Variants in ST6GALNAC3 observed in about 807,000 individuals in gnomAD.
ST6GALNAC3 encodes the protein alpha-N-acetylgalactosaminide alpha-2,6-sialyltransferase 3.
ST6GALNAC3 carries 25 observed loss-of-function variants against 32.7 expected under a neutral mutation model. The observed-to-expected ratio is 0.76, with a 90% confidence interval of 0.56 to 1.07. The LOEUF (loss-of-function observed/expected upper bound fraction) is 1.07. ST6GALNAC3 is among the 50% of genes least tolerant of loss of function. ST6GALNAC3 has a pLI of 0.00. For missense variants in ST6GALNAC3, 355 were observed against 382.4 expected (o/e 0.93, Z 0.60); for synonymous variants, 129 against 133.1 (o/e 0.97, Z 0.21).
chr1:76,470,942 C>G (rs1258502299), intron 3 of ST6GALNAC3, among the ~76,000 whole-genome samples: 4 of 152,064 alleles, frequency 2.6e-5, no homozygotes, highest in African/African-American at 9.7e-5. Context: ...ATTGTTGATA[C>G]AAAGACAAAC....
chr1:76,185,337 A>T (rs757658035), intron 1 of ST6GALNAC3, among the ~76,000 whole-genome samples: 2 of 152,208 alleles, frequency 1.3e-5, no homozygotes, highest in African/African-American at 4.8e-5. Flanking sequence ...TTCACAACAC[A>T]TGCACCATTT....
At chr1:76,303,086 AC>A (rs1318771832) in intron 1 of ST6GALNAC3, among the ~76,000 whole-genome samples, 1 of 102,212 alleles carries the variant, frequency 9.8e-6, no homozygotes, top group Non-Finnish European at 2.4e-5. Context: ...AGGCTGAGTT[AC>A]AAAGGTCACA....
rs994376164 is a variant in ST6GALNAC3, at chr1:76,392,575, A to G, written c.214-19433A>G. Among the ~76,000 whole-genome samples the G allele has an allele frequency of 8.5e-5, 13 of 152,372 alleles. No homozygotes were observed. In the South Asian group the frequency reaches 2.7e-3, roughly 32 times the overall value. On this transcript the variant is annotated intron_variant, in intron 2 of 4. Coordinates refer to ENST00000328299, the MANE Select transcript of ST6GALNAC3 (RefSeq NM_152996.4). ...GGCTTATCACTTTCCCTTAATGAAT[A>G]CAAATAATTTGATAGACAGACAACC...
intron 3 of ST6GALNAC3, among the ~76,000 whole-genome samples, chr1:76,583,177 A>C (rs181871711): frequency 6.6e-6 from 1 of 152,188 alleles, no homozygotes; most frequent in Non-Finnish European, 1.5e-5. Flanking sequence ...CAGCCAGTGA[A>C]TACTCTATTG....
At chr1:76,106,079 G>A (rs1553154654) in intron 1 of ST6GALNAC3, among the ~76,000 whole-genome samples, 6 of 152,184 alleles carry the variant, frequency 3.9e-5, no homozygotes, top group Non-Finnish European at 8.8e-5. Context: ...TCTGTCAAAT[G>A]ACAACAAGAA....
chr1:76,391,574 C>CCTT (rs1652562540), intron 2 of ST6GALNAC3, among the ~76,000 whole-genome samples: 1 of 143,486 alleles, frequency 7.0e-6, no homozygotes, highest in African/African-American at 2.6e-5. Flanking sequence ...CTTCCTTCCT[C>CCTT]CCACTTCCCT....
chr1:76,576,752 A>C, intron 3 of ST6GALNAC3: 1 of 985,628 alleles, frequency 1.0e-6, no homozygotes, highest in Non-Finnish European at 1.4e-6. Context: ...CACAGTAGGT[A>C]TAAGGAATGA....
chr1:76,606,097 A>T (rs1647527459), intron 3 of ST6GALNAC3, among the ~76,000 whole-genome samples: 1 of 152,122 alleles, frequency 6.6e-6, no homozygotes, highest in Non-Finnish European at 1.5e-5. Context: ...GAGAAATAGG[A>T]ACGCTTTTAC....
At chr1:76,393,993 G>A (rs886170478) in intron 2 of ST6GALNAC3, among the ~76,000 whole-genome samples, 4 of 152,172 alleles carry the variant, frequency 2.6e-5, no homozygotes, top group African/African-American at 9.6e-5. Flanking sequence ...TATCCATAGA[G>A]CATCTTAAAC....
At chr1:76,143,670 C>T (rs140503368) in intron 1 of ST6GALNAC3, among the ~76,000 whole-genome samples, 9 of 152,292 alleles carry the variant, frequency 5.9e-5, no homozygotes, top group African/African-American at 1.2e-4. Flanking sequence ...CTTCAGCCCA[C>T]GCCCATGCTG....
chr1:76,204,913 C>T (rs78090086), intron 1 of ST6GALNAC3, among the ~76,000 whole-genome samples: 1,743 of 152,214 alleles, frequency 0.011, 29 homozygotes, highest in East Asian at 0.047. Context: ...AGGGTTCTTT[C>T]GCAGACTTAG....
intron 2 of ST6GALNAC3, among the ~76,000 whole-genome samples, chr1:76,325,156 A>T (rs868749673): frequency 1.3e-5 from 2 of 152,342 alleles, no homozygotes; most frequent in South Asian, 4.1e-4. Flanking sequence ...GATGGAGAAG[A>T]CCATAGGAGA....
chr1:76,078,656 T>C (rs1448784494), intron 1 of ST6GALNAC3, among the ~76,000 whole-genome samples: 2 of 152,196 alleles, frequency 1.3e-5, no homozygotes, highest in Admixed American at 6.5e-5. Context: ...ATTAGTTATA[T>C]TGCAGGGGGA....
chr1:76,565,976 A>C (rs1665531241), intron 3 of ST6GALNAC3, among the ~76,000 whole-genome samples: 1 of 152,194 alleles, frequency 6.6e-6, no homozygotes, highest in African/African-American at 2.4e-5. Flanking sequence ...TTATTGTTTC[A>C]AGGGATAGGT....
At chr1:76,253,763 A>G (rs1657756499) in intron 1 of ST6GALNAC3, among the ~76,000 whole-genome samples, 2 of 152,188 alleles carry the variant, frequency 1.3e-5, no homozygotes, top group African/African-American at 2.4e-5. Context: ...CTCTTTTAGC[A>G]CAGGTGGCCC....
At chr1:76,128,102 G>A (rs958423763) in intron 1 of ST6GALNAC3, among the ~76,000 whole-genome samples, 12 of 152,134 alleles carry the variant, frequency 7.9e-5, no homozygotes, top group East Asian at 1.9e-4. Context: ...CACCAATCAC[G>A]AGAAGTCGGA....
chr1:76,476,286 T>C (rs1005022616), intron 3 of ST6GALNAC3, among the ~76,000 whole-genome samples: 2 of 152,200 alleles, frequency 1.3e-5, no homozygotes, highest in African/African-American at 2.4e-5. Context: ...ATACGATCTC[T>C]ATCACATACT....
At chr1:76,610,146 TATC>T (rs1647827174) in intron 3 of ST6GALNAC3, among the ~76,000 whole-genome samples, 1 of 152,210 alleles carries the variant, frequency 6.6e-6, no homozygotes, top group Admixed American at 6.5e-5. Flanking sequence ...CATGGGGAAT[TATC>T]ATAGGATTTT....
At chr1:76,456,523 T>C (rs1420426787) in intron 3 of ST6GALNAC3, among the ~76,000 whole-genome samples, 1 of 152,124 alleles carries the variant, frequency 6.6e-6, no homozygotes, top group Non-Finnish European at 1.5e-5. Context: ...GATATTTCTT[T>C]TAAGTTTTAT....
Sources: gnomAD v4.1 joint callset for allele counts (sites outside exome capture counted in the v4.1 genomes callset) on GRCh38, gnomAD v4.1.1 for gene constraint, MANE v1.5 for transcripts, NCBI Gene and HGNC (gene_info 2026-07-23, HGNC 2026-07-21) for gene names.